The following IMP4 variants were observed in gnomAD, a reference collection of about 807,000 sequenced individuals.
The protein encoded by IMP4 is IMP U3 small nucleolar ribonucleoprotein 4.
A neutral mutation model predicts 42.7 loss-of-function variants in IMP4; 30 were observed. The ratio of observed to expected loss-of-function variants is 0.70; its 90% confidence interval spans 0.53 to 0.95. IMP4 has a LOEUF of 0.95. Among genes scored for constraint, IMP4 ranks in the 40% least tolerant of loss-of-function variants. IMP4 has a pLI of 0.00. For missense variants in IMP4, 382 were observed against 411.4 expected (o/e 0.93, Z 0.62); for synonymous variants, 165 against 165.2 (o/e 1.00, Z 0.01).
At chr2:130,343,430 G>A (rs1051070040) in intron 2 of IMP4, 4 of 701,500 alleles carry the variant, frequency 5.7e-6, no homozygotes, top group Non-Finnish European at 1.1e-5. Flanking sequence ...TTCGTCCCAA[G>A]TTTTAAAGAC....
Position 130,347,035 on chromosome 2 carries a change from C to T in IMP4, c.*567C>T, listed in dbSNP as rs915707800. 1.3e-5 allele frequency: 2 copies of T among 156,350 alleles called. No homozygotes were observed. Among genetic ancestry groups the T allele is most frequent in the African/African-American group, 4.8e-5 (2 of 41,438 alleles). The allele number at this position is 156,350 out of a possible 1,614,324, so 9.7% of individuals were successfully genotyped here. ...TTATTGCAAATGATAGGATTTCTTT[C>T]CTTGTAAAAAATAACATGCCACATT... is the stretch of plus-strand genomic sequence containing the variant. On this transcript the variant is annotated 3_prime_UTR_variant, in exon 9 of 9. Coordinates refer to ENST00000259239, the MANE Select transcript of IMP4 (RefSeq NM_033416.3).
In IMP4 at chr2:130,347,197, G is replaced by A. The variant is rs1679646483; in HGVS notation, c.*729G>A. 6.6e-6 allele frequency: 1 copy of A among 152,202 alleles called. No homozygotes were observed. The highest frequency in any genetic ancestry group is 1.5e-5 in the Non-Finnish European group (1 of 68,076). 9.4% of individuals were successfully genotyped at this position (152,202 alleles called of 1,614,324 possible). A position where few individuals can be genotyped will look rare whatever the true frequency, so the allele number is the denominator to read the frequency against. ...CATCTCTTTTTTATATGTATACCCA[G>A]AAGTGGGATTGCTGCATCAAATGGT... On this transcript the variant is annotated 3_prime_UTR_variant, in exon 9 of 9. Coordinates refer to ENST00000259239, the MANE Select transcript of IMP4 (RefSeq NM_033416.3).
At position 130,345,532 on chromosome 2, in the gene IMP4, C is replaced by T. The variant is rs533487108; in HGVS notation, c.307-35C>T. On this transcript the variant is annotated intron_variant, in intron 4 of 8. Transcript: ENST00000259239. This position sits in a 1 kb window ranked among gnomAD's most constrained non-coding sequence, Gnocchi z 4.9. ...GGGAGAGACACCCAGGACACACAGC[C>T]CCAGTCCTGACTGTACACTGCCATC... The T allele has an allele frequency of 3.4e-5, 55 of 1,614,074 alleles. 1 individual carries two copies. The South Asian group carries it at 5.6e-4, about 16-fold the overall frequency.
rs764228271 is a variant in IMP4 at position 130,346,422 on chromosome 2, C to G, written c.830C>G (p.Pro277Arg). ...ATADVEWRWHPYTNTARKRVF... is the reference protein window; with the variant it reads ...ATADVEWRWHRYTNTARKRVF... ...GCAGACGTGGAGTGGCGCTGGCACCCTTACACCAATACCGCACGCAAGAGA... is the reference window on the plus strand; with the variant it reads ...GCAGACGTGGAGTGGCGCTGGCACCGTTACACCAATACCGCACGCAAGAGA... Residue 277 changes from proline (P) to arginine (R), a missense_variant, in exon 9 of 9, where the codon CCT becomes CGT. By Grantham distance (103) the Pro-to-Arg change is moderately radical. Coordinates refer to ENST00000259239, the MANE Select transcript of IMP4 (RefSeq NM_033416.3). 6.4e-7 allele frequency: 1 copy of G among 1,571,462 alleles called. No homozygotes were observed. The highest frequency in any genetic ancestry group is 8.6e-7 in the Non-Finnish European group (1 of 1,157,912).
intron 2 of IMP4, among the ~76,000 whole-genome samples, chr2:130,343,599 C>T (rs927643447): frequency 2.3e-4 from 35 of 151,906 alleles, no homozygotes; most frequent in African/African-American, 7.7e-4. Flanking sequence ...ATTAGCCGGC[C>T]GTGGTGGCAC....
In IMP4 at chr2:130,343,555, A is replaced by C. The variant is rs374035048; in HGVS notation, c.112+361A>C. 1.3e-4 allele frequency among the ~76,000 whole-genome samples: 19 copies of C among 151,780 alleles called. 1 individual carries two copies. The highest frequency in any genetic ancestry group is 4.6e-4 in the African/African-American group (19 of 41,378). ...GGTCAGGAGTTCGAGCCTGACCAAC[A>C]TGGTGAAATCTCGTCTCTACTAAAC... On this transcript the variant is annotated intron_variant, in intron 2 of 8. Transcript: ENST00000259239.
At chr2:130,344,574 G>A (rs371614795) in intron 2 of IMP4, 55 bp from the exon 3 acceptor site, 1 of 1,119,056 alleles carries the variant, frequency 8.9e-7, no homozygotes, top group African/African-American at 1.5e-5. Flanking sequence ...TGTATTGGAT[G>A]AGCTGAGGTC....
chr2:130,342,941 A>C lies in IMP4; in HGVS notation c.3+6A>C. ...TGGAAGCGGCACTCAAGATGGTAGG[A>C]GAATGAGCTCCTGTTTCGGAGGTCC... On this transcript the variant is annotated splice_donor_region_variant and intron_variant, in intron 1 of 8. Transcript: ENST00000259239. 6.2e-7 allele frequency: 1 copy of C among 1,614,154 alleles called. No homozygotes were observed.
rs375843461 is a variant in IMP4, at chr2:130,345,707, C to A, written c.439+8C>A. On this transcript the variant is annotated splice_region_variant and intron_variant, in intron 5 of 8. Coordinates refer to ENST00000259239, the MANE Select transcript of IMP4 (RefSeq NM_033416.3). The surrounding 1 kb of genome is among the most constrained non-coding windows in gnomAD (Gnocchi z 4.9). ...AGCATCGGGGCACACCTGGTAAGGCCGGAGGGAGGGAGTCGGGGTGGGAGC... is the reference window on the plus strand; with the variant it reads ...AGCATCGGGGCACACCTGGTAAGGCAGGAGGGAGGGAGTCGGGGTGGGAGC... 8 of 1,613,088 alleles carry A rather than the reference C, an allele frequency of 5.0e-6. No homozygotes were observed. Among genetic ancestry groups the A allele is most frequent in the Non-Finnish European group, 6.8e-6 (8 of 1,179,942 alleles).
At position 130,345,803 on chromosome 2, in the gene IMP4, C is replaced by G; in HGVS notation, c.464C>G (p.Pro155Arg). The G allele has an allele frequency of 6.2e-7, 1 of 1,613,960 alleles. No homozygotes were observed. The highest frequency in any genetic ancestry group is 1.1e-5 in the South Asian group (1 of 91,086). The change falls in exon 6 of 9, where the codon CCC becomes CGC. Residue 155 changes from proline to arginine, a missense_variant. Pro to Arg is a moderately radical substitution (Grantham distance 103). Coordinates refer to ENST00000259239, the MANE Select transcript of IMP4 (RefSeq NM_033416.3). This position sits in a 1 kb window ranked among gnomAD's most constrained non-coding sequence, Gnocchi z 4.9. ...GTGGGGCTCATCGTCAGCCACCTGC[C>G]CTTTGGTCCTACTGCCTACTTCACG... The part of the protein sequence containing the change: ...TPVGLIVSHL[P>R]FGPTAYFTLC...
At position 130,346,249 on chromosome 2, in the gene IMP4, G is replaced by A. The variant is rs1679558869; in HGVS notation, c.738G>A (p.Glu246=). ...ACCACCGCAACGTGGAGCTCACTGA[G>A]GTCGGGCCCCGCTTTGAGCTGAAGC... The part of the protein sequence containing the change: ...KTDHRNVELT[E]VGPRFELKLY... Residue 246 remains glutamate (E), a synonymous_variant, in exon 8 of 9, where the codon GAG becomes GAA. Coordinates refer to ENST00000259239, the MANE Select transcript of IMP4 (RefSeq NM_033416.3). The A allele has an allele frequency of 1.2e-6, 2 of 1,614,076 alleles. No homozygotes were observed. The highest frequency in any genetic ancestry group is 8.5e-7 in the Non-Finnish European group (1 of 1,180,048).
In IMP4 at chr2:130,347,682, G is replaced by C. The variant is rs772185659; in HGVS notation, c.*1214G>C. ...TCTTTTGCCCCTCCTGCCATGTGAG[G>C]ACACAGCTAGAAGCTACCATCTGTG... On this transcript the variant is annotated 3_prime_UTR_variant, in exon 9 of 9. Coordinates refer to ENST00000259239, the MANE Select transcript of IMP4 (RefSeq NM_033416.3). The C allele has an allele frequency of 6.6e-6, 1 of 152,356 alleles. No homozygotes were observed. The highest frequency in any genetic ancestry group is 1.5e-5 in the Non-Finnish European group (1 of 68,198). 9.4% of individuals were successfully genotyped at this position (152,356 alleles called of 1,614,324 possible).
intron 3 of IMP4, 23 bp downstream of exon 3, chr2:130,344,735 C>T: frequency 6.5e-7 from 1 of 1,531,054 alleles, no homozygotes; most frequent in Non-Finnish European, 9.1e-7. Context: ...GGTAGCCCTC[C>T]CCAACACTGA....
intron 7 of IMP4, 31 bp downstream of exon 7, chr2:130,346,143 A>G (rs1276683767): frequency 2.5e-5 from 40 of 1,613,028 alleles, no homozygotes; most frequent in Non-Finnish European, 3.3e-5. Context: ...CCAGGAAAGC[A>G]TCCCCACCCT....
chr2:130,346,002 T>C lies in IMP4; in HGVS notation c.595-16T>C. On this transcript the variant is annotated splice_polypyrimidine_tract_variant and intron_variant, in intron 6 of 8. Transcript: ENST00000259239. ...GCATTTGCCACTCTGTTTCCCTCTC[T>C]TTCCTTGTGCCCCAGGTCTCTGACA... 1.2e-6 allele frequency: 2 copies of C among 1,614,166 alleles called. No individual in the cohort carries two copies. The highest frequency in any genetic ancestry group is 1.7e-6 in the Non-Finnish European group (2 of 1,180,014).
chr2:130,343,856 G>A (rs1245783400), intron 2 of IMP4, among the ~76,000 whole-genome samples: 1 of 152,214 alleles, frequency 6.6e-6, no homozygotes, highest in Non-Finnish European at 1.5e-5. Context: ...GAACAGTGCT[G>A]GCCCCGAGTG....
Position 130,345,575 on chromosome 2 carries a change from G to C in IMP4, c.315G>C (p.Lys105Asn). The change falls in exon 5 of 9, where the codon AAG becomes AAC. Residue 105 changes from lysine to asparagine, a missense_variant. Physicochemically the swap from Lys to Asn is moderately conservative, Grantham distance 94. Coordinates refer to ENST00000259239, the MANE Select transcript of IMP4 (RefSeq NM_033416.3). The surrounding 1 kb of genome is among the most constrained non-coding windows in gnomAD (Gnocchi z 4.9). ...CTGCCATCCACGCCCAGGAGCTGAA[G>C]CTGGTGTTCCCGGGCGCCCAGCGAA... ...SRLKMFAKELKLVFPGAQRMN... is the reference protein window; with the variant it reads ...SRLKMFAKELNLVFPGAQRMN... 1 of 1,614,220 alleles carries C rather than the reference G, an allele frequency of 6.2e-7. No homozygotes were observed. Among genetic ancestry groups the C allele is most frequent in the East Asian group, 2.2e-5 (1 of 44,876 alleles).
intron 2 of IMP4, 120 bp downstream of exon 2, chr2:130,343,314 C>T (rs1384289245): frequency 3.9e-6 from 3 of 768,032 alleles, no homozygotes; most frequent in Admixed American, 4.0e-5. Context: ...TTGGGTTCTC[C>T]TGTTGGTTTT....
chr2:130,346,125 G>T lies in IMP4; in HGVS notation c.689+13G>T. The T allele has an allele frequency of 6.2e-7, 1 of 1,613,878 alleles. No individual in the cohort carries two copies. The highest frequency in any genetic ancestry group is 2.2e-5 in the East Asian group (1 of 44,866). On this transcript the variant is annotated intron_variant, in intron 7 of 8. Coordinates refer to ENST00000259239, the MANE Select transcript of IMP4 (RefSeq NM_033416.3). ...ACATATCATTCCGGTGGGTCCACGG[G>T]CCATGCCCCAGGAAAGCATCCCCAC...
Sources: allele counts gnomAD v4.1 joint callset (sites outside exome capture counted in the v4.1 genomes callset), GRCh38; gene constraint gnomAD v4.1.1; non-coding constraint Gnocchi (gnomAD v3.1); transcripts MANE v1.5; gene names NCBI Gene and HGNC (gene_info 2026-07-23, HGNC 2026-07-21).